Variants in DNM2 observed in about 807,000 individuals in gnomAD.
The protein encoded by DNM2 is dynamin-2.
DNM2 carries 15 observed loss-of-function variants against 99.0 expected under a neutral mutation model. The observed-to-expected ratio is 0.15, with a 90% CI of 0.10 to 0.23. The LOEUF is 0.23. Ranked by LOEUF, DNM2 falls within the 10% of genes least tolerant of loss-of-function variation. The pLI is 1.00. For missense variants in DNM2, 742 were observed against 1,189.4 expected (o/e 0.62, Z 5.53); for synonymous variants, 525 against 481.2 (o/e 1.09, Z -1.19).
At chr19:10,738,723 A>G (rs2069623933) in intron 1 of DNM2, among the ~76,000 whole-genome samples, 1 of 151,974 alleles carries the variant, frequency 6.6e-6, no homozygotes, top group Non-Finnish European at 1.5e-5. Context: ...AAAGTTAGTT[A>G]GCTGGGCGTG....
rs1264249820 is a variant in DNM2, at chr19:10,749,809, C to T, written c.162-9929C>T. Among the ~76,000 whole-genome samples the T allele has an allele frequency of 2.0e-5, 3 of 152,316 alleles. No individual in the cohort carries two copies. The East Asian group carries it at 5.8e-4, about 29-fold the overall frequency. ...ACAGGACTAGACCTTCATCAGAGGC[C>T]GTTTTGCTGGGAGTGGGAAGGGGTG... On this transcript the variant is annotated intron_variant, in intron 1 of 20. Transcript: ENST00000389253.
At chr19:10,739,359 C>A (rs2069653789) in intron 1 of DNM2, among the ~76,000 whole-genome samples, 1 of 152,198 alleles carries the variant, frequency 6.6e-6, no homozygotes, top group African/African-American at 2.4e-5. Context: ...GTGTAACCAG[C>A]ACCACTATCT....
Position 10,831,333 on chromosome 19 carries a change from C to A in DNM2, c.*286C>A. The A allele has an allele frequency of 8.3e-7, 1 of 1,210,504 alleles. No individual in the cohort carries two copies. The highest frequency in any genetic ancestry group is 1.0e-6 in the Non-Finnish European group (1 of 971,910). 75.0% of individuals were successfully genotyped at this position (1,210,504 alleles called of 1,614,324 possible). On this transcript the variant is annotated 3_prime_UTR_variant, in exon 21 of 21. Coordinates refer to ENST00000389253, the MANE Select transcript of DNM2 (RefSeq NM_001005361.3). The surrounding 1 kb of genome is among the most constrained non-coding windows in gnomAD (Gnocchi z 4.3). ...GGGGACCAGAACCCTTGACACCATC[C>A]TGAATGAGGGGTCCAGCCTGGGGGG... is the stretch of plus-strand genomic sequence containing the variant.
rs1001233928 is a variant in DNM2, at chr19:10,764,192, C to T, written c.235+4381C>T. Among the ~76,000 whole-genome samples the T allele has an allele frequency of 2.6e-5, 4 of 152,152 alleles. No homozygotes were observed. Among genetic ancestry groups the T allele is most frequent in the African/African-American group, 4.8e-5 (2 of 41,430 alleles). On this transcript the variant is annotated intron_variant, in intron 2 of 20. Transcript: ENST00000389253. The surrounding 1 kb of genome is among the most constrained non-coding windows in gnomAD (Gnocchi z 4.1). ...ACCAGGCTGCCACCCTTTACTGGCC[C>T]GGGACTTGTTAAAGTGACTTCCCTC...
chr19:10,825,318 T>C (rs2073106538), intron 18 of DNM2, 97 bp downstream of exon 18: 2 of 1,534,362 alleles, frequency 1.3e-6, no homozygotes, highest in Admixed American at 3.5e-5. Flanking sequence ...GCGGATCACT[T>C]GAGGTCAGGA....
chr19:10,807,397 G>A (rs983317207), intron 13 of DNM2, among the ~76,000 whole-genome samples: 34 of 151,726 alleles, frequency 2.2e-4, no homozygotes, highest in South Asian at 2.1e-4. Flanking sequence ...CCGCCAGCAC[G>A]CCCAGCTAAT....
At chr19:10,718,525 C>T (rs116956287) in intron 1 of DNM2, 122 bp downstream of exon 1, 14 of 1,232,208 alleles carry the variant, frequency 1.1e-5, no homozygotes, top group East Asian at 3.5e-5. Context: ...GGCGGGGAAC[C>T]GGACGGGGTC....
At chr19:10,732,046 C>T (rs1362008838) in intron 1 of DNM2, among the ~76,000 whole-genome samples, 1 of 151,230 alleles carries the variant, frequency 6.6e-6, no homozygotes, top group East Asian at 2.0e-4. Context: ...CCTCCGCCTC[C>T]CAGGTTCAAG....
intron 1 of DNM2, among the ~76,000 whole-genome samples, chr19:10,728,117 C>T (rs1228713063): frequency 1.3e-5 from 2 of 152,126 alleles, no homozygotes; most frequent in African/African-American, 2.4e-5. Context: ...TCCCCTGTGG[C>T]GTCACCCGTA....
chr19:10,756,500 C>T (rs1022171268), intron 1 of DNM2, among the ~76,000 whole-genome samples: 4 of 152,148 alleles, frequency 2.6e-5, no homozygotes, highest in Non-Finnish European at 4.4e-5. Flanking sequence ...GGGAGGCTGA[C>T]GGAAAGGGAT....
intron 1 of DNM2, among the ~76,000 whole-genome samples, chr19:10,752,095 G>T (rs1424441591): frequency 2.0e-5 from 3 of 152,240 alleles, no homozygotes; most frequent in Admixed American, 6.5e-5. Flanking sequence ...GAGGAAAGGG[G>T]AAGGGATGTC....
chr19:10,761,894 A>C (rs891773871), intron 2 of DNM2, among the ~76,000 whole-genome samples: 12 of 152,192 alleles, frequency 7.9e-5, no homozygotes, highest in African/African-American at 2.4e-4. Flanking sequence ...CCGATGGGCC[A>C]ATGGGCTGCC....
At position 10,831,318 on chromosome 19, in the gene DNM2, A is replaced by C; in HGVS notation, c.*271A>C. ...TCAGGGTGGCAGAGGGGGGACCAGA[A>C]CCCTTGACACCATCCTGAATGAGGG... is the stretch of plus-strand genomic sequence containing the variant. On this transcript the variant is annotated 3_prime_UTR_variant, in exon 21 of 21. Transcript: ENST00000389253. The surrounding 1 kb of genome is among the most constrained non-coding windows in gnomAD (Gnocchi z 4.3). 1 of 1,232,482 alleles carries C rather than the reference A, an allele frequency of 8.1e-7. No individual in the cohort carries two copies. The highest frequency in any genetic ancestry group is 2.7e-5 in the South Asian group (1 of 36,378). 76.3% of individuals were successfully genotyped at this position (1,232,482 alleles called of 1,614,324 possible). A position where few individuals can be genotyped will look rare whatever the true frequency, so the allele number is the denominator to read the frequency against.
At chr19:10,808,466 G>T in intron 13 of DNM2, 103 bp from the exon 14 acceptor site, 9 of 1,317,784 alleles carry the variant, frequency 6.8e-6, no homozygotes, top group South Asian at 1.4e-5. Flanking sequence ...CTGTTTTTGT[G>T]CTTTTCCTGC....
Position 10,718,348 on chromosome 19 carries a change from G to A in DNM2, c.106G>A (p.Val36Ile). The A allele has an allele frequency of 6.6e-7, 1 of 1,523,860 alleles. No individual in the cohort carries two copies. The highest frequency in any genetic ancestry group is 8.8e-7 in the Non-Finnish European group (1 of 1,138,138). The allele number at this position is 1,523,860 out of a possible 1,614,324, so 94.4% of individuals were successfully genotyped here. The change falls in exon 1 of 21, where the codon GTA (valine) becomes ATA (isoleucine). Residue 36 changes from valine to isoleucine, a missense_variant. By Grantham distance (29) the Val-to-Ile change is conservative (BLOSUM62 3). Transcript: ENST00000389253. ...SCHLDLPQIA[V>I]VGGQSAGKSS... ...CCACCTGGACCTGCCGCAGATCGCT[G>A]TAGTGGGCGGCCAGAGCGCCGGCAA...
chr19:10,737,740 C>T (rs998024293), intron 1 of DNM2, among the ~76,000 whole-genome samples: 1 of 152,182 alleles, frequency 6.6e-6, no homozygotes, highest in Non-Finnish European at 1.5e-5. Context: ...CAGCCTTGGC[C>T]TCCCAAAGTG....
At position 10,743,204 on chromosome 19, in the gene DNM2, C is replaced by T. The variant is rs2069824384; in HGVS notation, c.162-16534C>T. 1.3e-5 allele frequency among the ~76,000 whole-genome samples: 2 copies of T among 151,902 alleles called. 1 individual carries two copies. Among genetic ancestry groups the T allele is most frequent in the South Asian group, 4.2e-4 (2 of 4,818 alleles). On this transcript the variant is annotated intron_variant, in intron 1 of 20. Transcript: ENST00000389253. ...TACAGGTGTGAGCCACCACGCCCGG[C>T]CGTGATGCCAGCTTCTTTTGCCGTG...
chr19:10,829,241 C>T lies in DNM2; in HGVS notation c.2264C>T (p.Thr755Ile), dbSNP rs754691182. Residue 755 changes from threonine (T) to isoleucine (I), a missense_variant, in exon 19 of 21, where the codon ACC becomes ATC. Physicochemically the swap from Thr to Ile is moderately conservative, Grantham distance 89. Around this residue, in one of 7 missense-constraint regions of DNM2, gnomAD observed 187 missense variants for 218.8 expected, o/e 0.85. Transcript: ENST00000389253. ...STPVPPPVDD[T>I]WLQSASSHSP... ...CCTGTACCCCCGCCTGTCGATGACA[C>T]CTGGCTCCAGAGCGCCAGCAGCCAC... is the stretch of plus-strand genomic sequence containing the variant. 9 of 1,613,704 alleles carry T rather than the reference C, an allele frequency of 5.6e-6. No homozygotes were observed. The East Asian group carries it at 2.0e-4, about 36-fold the overall frequency.
At chr19:10,730,071 C>G (rs1323515122) in intron 1 of DNM2, among the ~76,000 whole-genome samples, 1 of 152,118 alleles carries the variant, frequency 6.6e-6, no homozygotes, top group African/African-American at 2.4e-5. Context: ...TCTATGTTGC[C>G]AAGGCTGGTC....
Sources: gnomAD v4.1 joint callset for allele counts (sites outside exome capture counted in the v4.1 genomes callset) on GRCh38, gnomAD v4.1.1 for gene constraint, gnomAD v4.1.1 regional missense constraint, Gnocchi (gnomAD v3.1) non-coding constraint, MANE v1.5 for transcripts, NCBI Gene and HGNC (gene_info 2026-07-23, HGNC 2026-07-21) for gene names.